The following NMNAT2 variants were observed in gnomAD, a reference collection of about 807,000 sequenced individuals.
NMNAT2 encodes the protein nicotinamide nucleotide adenylyltransferase 2.
Under a neutral mutation model 41.6 loss-of-function variants are expected in NMNAT2, and 11 were observed. The ratio of observed to expected loss-of-function variants is 0.26; its 90% confidence interval spans 0.17 to 0.44. The LOEUF (loss-of-function observed/expected upper bound fraction) is 0.44. NMNAT2 is among the 20% of genes least tolerant of loss of function. The probability of loss-of-function intolerance (pLI) is 1.00; values close to 1 mark genes in which losing one functional copy is unlikely to be tolerated. For synonymous variants in NMNAT2, 148 were observed against 151.2 expected (o/e 0.98, Z 0.16); for missense variants, 288 against 407.7 (o/e 0.71, Z 2.53).
At chr1:183,313,210 TG>T (rs1662166435) in intron 1 of NMNAT2, among the ~76,000 whole-genome samples, 1 of 152,196 alleles carries the variant, frequency 6.6e-6, no homozygotes, top group South Asian at 2.1e-4. Context: ...CTTGTAAGGT[TG>T]TTAAAATACT....
chr1:183,296,847 C>T (rs1661715336), intron 1 of NMNAT2, among the ~76,000 whole-genome samples: 1 of 152,084 alleles, frequency 6.6e-6, no homozygotes, highest in Admixed American at 6.5e-5. Flanking sequence ...TGTAGTACTT[C>T]ACTTGTTTTC....
chr1:183,312,726 C>A (rs1662152660), intron 1 of NMNAT2, among the ~76,000 whole-genome samples: 1 of 152,154 alleles, frequency 6.6e-6, no homozygotes, highest in South Asian at 2.1e-4. Flanking sequence ...CCTGACTCTA[C>A]TTCTTTCCAG....
In NMNAT2 at chr1:183,292,854, G is replaced by A; in HGVS notation, c.178C>T (p.Leu60Phe). ...PVHDSYGKQG[L>F]VSSRHRLIMC... ...ATGAGACGGTGCCGGCTTGACACGA[G>A]GCCCTGGGAAGCAACAGAGCAATCA... The change falls in exon 3 of 11, where the codon CTC becomes TTC. Residue 60 changes from leucine (L) to phenylalanine (F), a missense_variant. This residue lies in a region of NMNAT2 where 100 missense variants were observed against 168.5 expected (regional missense o/e 0.59). Transcript: ENST00000287713. 1 of 1,613,938 alleles carries A rather than the reference G, an allele frequency of 6.2e-7. No homozygotes were observed. The highest frequency in any genetic ancestry group is 8.5e-7 in the Non-Finnish European group (1 of 1,179,948).
chr1:183,284,210 C>T (rs565887554), intron 6 of NMNAT2, among the ~76,000 whole-genome samples, 171 bp from the exon 7 acceptor site: 83 of 152,296 alleles, frequency 5.4e-4, no homozygotes, highest in African/African-American at 1.8e-3. Context: ...AGGCATAAAA[C>T]GGACAGGAAG....
chr1:183,297,947 A>G (rs1169051964), intron 1 of NMNAT2, among the ~76,000 whole-genome samples: 1 of 152,228 alleles, frequency 6.6e-6, no homozygotes, highest in African/African-American at 2.4e-5. Flanking sequence ...CAAGCTAAAG[A>G]AAAATCTCAT....
At chr1:183,257,105 A>G (rs981127387) in intron 10 of NMNAT2, among the ~76,000 whole-genome samples, 2 of 151,882 alleles carry the variant, frequency 1.3e-5, no homozygotes, top group African/African-American at 4.8e-5. Context: ...GCCTCGTAGA[A>G]TGTGCTAGGA....
At chr1:183,284,637 C>T in intron 6 of NMNAT2, 73 bp downstream of exon 6, 1 of 1,298,368 alleles carries the variant, frequency 7.7e-7, no homozygotes, top group Admixed American at 1.7e-5. Flanking sequence ...GCTTGAGGAT[C>T]TTTGCTGAAG....
At chr1:183,414,847 C>G (rs1412454539) in intron 1 of NMNAT2, among the ~76,000 whole-genome samples, 1 of 152,140 alleles carries the variant, frequency 6.6e-6, no homozygotes, top group Non-Finnish European at 1.5e-5. Flanking sequence ...TTTACAGTCT[C>G]TCTTTTTCCT....
intron 8 of NMNAT2, among the ~76,000 whole-genome samples, chr1:183,267,537 T>C (rs1571561137): frequency 1.3e-5 from 2 of 152,118 alleles, no homozygotes. Flanking sequence ...CAAAATGAGA[T>C]ACTTGTGGGA....
intron 1 of NMNAT2, among the ~76,000 whole-genome samples, chr1:183,321,961 G>C (rs566460937): frequency 6.6e-6 from 1 of 152,046 alleles, no homozygotes; most frequent in East Asian, 1.9e-4. Context: ...TGGAGCCACA[G>C]GCATGTTCCA....
chr1:183,308,702 C>T (rs1662047839), intron 1 of NMNAT2, among the ~76,000 whole-genome samples: 1 of 152,068 alleles, frequency 6.6e-6, no homozygotes, highest in African/African-American at 2.4e-5. Flanking sequence ...CAGAACAATA[C>T]CAAATAAAAC....
At chr1:183,261,641 T>C (rs1038486832) in intron 8 of NMNAT2, among the ~76,000 whole-genome samples, 1 of 152,194 alleles carries the variant, frequency 6.6e-6, no homozygotes, top group South Asian at 2.1e-4. Flanking sequence ...ATGAATGACA[T>C]TGCGTCCTTA....
intron 1 of NMNAT2, among the ~76,000 whole-genome samples, chr1:183,383,392 G>A (rs1191987111): frequency 1.3e-5 from 2 of 152,160 alleles, no homozygotes; most frequent in Admixed American, 1.3e-4. Flanking sequence ...AATAACACTA[G>A]ACTCCTCATT....
At chr1:183,338,373 T>C (rs1571606506) in intron 1 of NMNAT2, among the ~76,000 whole-genome samples, 1 of 73,118 alleles carries the variant, frequency 1.4e-5, no homozygotes, top group African/African-American at 5.0e-5. Flanking sequence ...AAAAATTAGG[T>C]GTGGGGTTGA....
chr1:183,252,729 T>G lies in NMNAT2; in HGVS notation c.836A>C (p.His279Pro). Reference sequence around the variant, plus strand: ...GTAATCCACAACATGGCCGTCCCCATGCTGCAGGGCCAGCCTGCACAAGAA... The same window carrying G: ...GTAATCCACAACATGGCCGTCCCCAGGCTGCAGGGCCAGCCTGCACAAGAA... ...SSTKSRLALQ[H>P]GDGHVVDYLS... Residue 279 changes from histidine to proline, a missense_variant, in exon 11 of 11, where the codon CAT (histidine) becomes CCT (proline). This residue lies in a region of NMNAT2 where 181 missense variants were observed against 213.7 expected (regional missense o/e 0.85). Transcript: ENST00000287713. 1 of 1,613,886 alleles carries G rather than the reference T, an allele frequency of 6.2e-7. No individual in the cohort carries two copies. Among genetic ancestry groups the G allele is most frequent in the Non-Finnish European group, 8.5e-7 (1 of 1,179,802 alleles).
intron 1 of NMNAT2, among the ~76,000 whole-genome samples, chr1:183,364,876 A>G (rs1663384203): frequency 6.6e-6 from 1 of 152,010 alleles, no homozygotes; most frequent in Admixed American, 6.6e-5. Context: ...TGTTTTTAGT[A>G]GAGACAGGGT....
intron 1 of NMNAT2, among the ~76,000 whole-genome samples, chr1:183,366,435 T>C (rs1287415274): frequency 6.6e-6 from 1 of 152,208 alleles, no homozygotes; most frequent in Non-Finnish European, 1.5e-5. Flanking sequence ...CATTAATTAG[T>C]ATTAGTATTA....
rs569198807 is a variant in NMNAT2 at position 183,350,155 on chromosome 1, G to T, written c.86-56362C>A. 2.0e-5 allele frequency among the ~76,000 whole-genome samples: 3 copies of T among 152,294 alleles called. 1 individual carries two copies. The South Asian group carries it at 6.2e-4, about 32-fold the overall frequency. ...CCCTCATGGAGCTCATCTTCCAAGG[G>T]GATCACTGTAGAGGGTGGTAAGTGC... On this transcript the variant is annotated intron_variant, in intron 1 of 10. Transcript: ENST00000287713.
At chr1:183,313,303 A>T (rs1662168015) in intron 1 of NMNAT2, among the ~76,000 whole-genome samples, 2 of 152,228 alleles carry the variant, frequency 1.3e-5, no homozygotes, top group African/African-American at 4.8e-5. Flanking sequence ...TGATTTGAGT[A>T]ATTACCCCTG....
Sources: allele counts gnomAD v4.1 joint callset (sites outside exome capture counted in the v4.1 genomes callset), GRCh38; gene constraint gnomAD v4.1.1; regional missense constraint gnomAD v4.1.1; transcripts MANE v1.5; gene names NCBI Gene and HGNC (gene_info 2026-07-23, HGNC 2026-07-21).